KALRN: variants seen among roughly 807,000 people sequenced by gnomAD.
The protein encoded by KALRN is kalirin.
Under a neutral mutation model 353.7 loss-of-function variants are expected in KALRN, and 70 were observed. The observed-to-expected ratio is 0.20, with a 90% CI of 0.16 to 0.24. The LOEUF is 0.24. Among genes scored for constraint, KALRN ranks in the 10% least tolerant of loss-of-function variants. KALRN has a pLI of 1.00. For missense variants in KALRN, 2,791 were observed against 3,756.7 expected (o/e 0.74, Z 6.72); for synonymous variants, 1,391 against 1,434.8 (o/e 0.97, Z 0.69).
intron 1 of KALRN, among the ~76,000 whole-genome samples, chr3:124,099,035 C>T (rs1214213384): frequency 6.6e-6 from 1 of 152,178 alleles, no homozygotes; most frequent in Non-Finnish European, 1.5e-5. Context: ...TATTTTGTTA[C>T]ATGCATACAA....
intron 54 of KALRN, 26 bp downstream of exon 54, chr3:124,696,281 T>C: frequency 1.9e-6 from 3 of 1,607,000 alleles, no homozygotes; most frequent in Non-Finnish European, 1.7e-6. Flanking sequence ...TAGTCAAACC[T>C]TTTGAAATAT....
intron 33 of KALRN, among the ~76,000 whole-genome samples, chr3:124,521,064 C>T (rs963032417): frequency 3.9e-4 from 59 of 152,294 alleles, no homozygotes; most frequent in African/African-American, 1.4e-3. Flanking sequence ...TGTATGCCCT[C>T]GGGGTGCAGA....
At chr3:124,661,048 G>A (rs1044150447) in intron 44 of KALRN, 75 bp downstream of exon 44, 1 of 1,174,734 alleles carries the variant, frequency 8.5e-7, no homozygotes, top group African/African-American at 1.5e-5. Context: ...GGAAAAGATT[G>A]TCTCAGGAGG....
intron 13 of KALRN, among the ~76,000 whole-genome samples, chr3:124,401,890 G>A (rs1159265063): frequency 1.3e-5 from 2 of 152,196 alleles, no homozygotes; most frequent in African/African-American, 4.8e-5. Flanking sequence ...CTCACTGTGG[G>A]GATGAAGAAC....
intron 2 of KALRN, among the ~76,000 whole-genome samples, chr3:124,228,752 G>C (rs1920617): frequency 0.99 from 150,746 of 152,338 alleles, 74,607 homozygotes; most frequent in South Asian, 1. Flanking sequence ...ACAACAGAAA[G>C]TCATTATTGC....
At chr3:124,581,889 C>A (rs1446823702) in intron 34 of KALRN, among the ~76,000 whole-genome samples, 3 of 152,082 alleles carry the variant, frequency 2.0e-5, no homozygotes, top group African/African-American at 7.2e-5. Context: ...TGTTGTGGGT[C>A]AGAACTGGAA....
rs145154359 is a variant in KALRN at position 124,329,937 on chromosome 3, T to A, written c.1361T>A (p.Leu454Gln). ...CCATCCGAGATGCAAGACCTAGAGC[T>A]GGCAATCCACCACCACCAGACCTTG... ...GLPSEMQDLE[L>Q]AIHHHQTLYE... Residue 454 changes from leucine to glutamine, a missense_variant, in exon 8 of 60, where the codon CTG becomes CAG. Physicochemically the swap from Leu to Gln is moderately radical, Grantham distance 113. Transcript: ENST00000682506. 8.9e-5 allele frequency: 144 copies of A among 1,613,638 alleles called. 1 individual carries two copies. In the East Asian group the frequency reaches 3.1e-3, roughly 34 times the overall value.
At chr3:124,299,458 C>T (rs767591365) in intron 6 of KALRN, among the ~76,000 whole-genome samples, 2 of 151,870 alleles carry the variant, frequency 1.3e-5, no homozygotes, top group African/African-American at 4.8e-5. Flanking sequence ...TTTGAAGGGG[C>T]GGCAGGATGT....
At chr3:124,275,350 C>T (rs531093684) in intron 5 of KALRN, among the ~76,000 whole-genome samples, 1 of 152,198 alleles carries the variant, frequency 6.6e-6, no homozygotes, top group Non-Finnish European at 1.5e-5. Context: ...TACAACTTAA[C>T]AATTGTATAA....
Position 124,274,462 on chromosome 3 carries a change from G to A in KALRN, c.969+5207G>A, listed in dbSNP as rs71332730. On this transcript the variant is annotated intron_variant, in intron 5 of 59. Coordinates refer to ENST00000682506, the MANE Select transcript of KALRN (RefSeq NM_001388419.1). ...TCTACTTCATTTCTGAATAAAGGAAGCTCTACTGATGTCTACCCAGGAGGC... is the reference window on the plus strand; with the variant it reads ...TCTACTTCATTTCTGAATAAAGGAAACTCTACTGATGTCTACCCAGGAGGC... Among the ~76,000 whole-genome samples, 561 of 152,316 alleles carry A rather than the reference G, an allele frequency of 3.7e-3. 3 individuals carry two copies. The highest frequency in any genetic ancestry group is 6.8e-3 in the Middle Eastern group (2 of 294).
At chr3:124,227,608 G>T (rs370997344) in intron 1 of KALRN, among the ~76,000 whole-genome samples, 1 of 145,518 alleles carries the variant, frequency 6.9e-6, no homozygotes, top group African/African-American at 2.6e-5. Context: ...CTAGAGGTAC[G>T]AACATGATTT....
At chr3:124,711,750 G>A (rs1256085091) in intron 57 of KALRN, among the ~76,000 whole-genome samples, 1 of 152,158 alleles carries the variant, frequency 6.6e-6, no homozygotes, top group African/African-American at 2.4e-5. Context: ...ATTTATGAGT[G>A]ACATGACATT....
At chr3:124,118,365 G>A (rs1393369926) in intron 1 of KALRN, among the ~76,000 whole-genome samples, 1 of 152,148 alleles carries the variant, frequency 6.6e-6, no homozygotes, top group Admixed American at 6.5e-5. Context: ...AGTAAACAGG[G>A]AATGCTTTTC....
intron 1 of KALRN, among the ~76,000 whole-genome samples, chr3:124,113,249 T>C (rs76255889): frequency 4.6e-5 from 7 of 152,224 alleles, no homozygotes; most frequent in Non-Finnish European, 1.0e-4. Context: ...TAATATCCTA[T>C]GTTTACCTTA....
chr3:124,269,796 A>G (rs2073946546), intron 5 of KALRN, among the ~76,000 whole-genome samples: 1 of 152,204 alleles, frequency 6.6e-6, no homozygotes, highest in Non-Finnish European at 1.5e-5. Flanking sequence ...GAGTGGTGGC[A>G]TCTCTCTTGA....
chr3:124,672,840 T>A (rs2086629470), intron 48 of KALRN, among the ~76,000 whole-genome samples: 1 of 152,216 alleles, frequency 6.6e-6, no homozygotes, highest in Non-Finnish European at 1.5e-5. Flanking sequence ...GCCTCAGTTT[T>A]CTCTAGAACT....
intron 45 of KALRN, among the ~76,000 whole-genome samples, chr3:124,664,370 T>TGTGTGCGCGCGCGC (rs370394911): frequency 3.1e-5 from 4 of 129,566 alleles, no homozygotes; most frequent in South Asian, 2.8e-4. Context: ...TGTGTGTGTG[T>TGTGTGCGCGCGCGC]GCGCGCGCGC....
intron 25 of KALRN, among the ~76,000 whole-genome samples, chr3:124,465,883 G>A (rs991251903): frequency 4.6e-5 from 7 of 152,164 alleles, no homozygotes; most frequent in Admixed American, 3.9e-4. Flanking sequence ...AGATTGACAC[G>A]ACCTTGCTAA....
intron 3 of KALRN, among the ~76,000 whole-genome samples, chr3:124,257,987 G>GA (rs546485957): frequency 1.1e-3 from 140 of 131,546 alleles, no homozygotes; most frequent in African/African-American, 3.8e-3. Flanking sequence ...TCACCTAAAG[G>GA]AAAAAAAGCA....
Sources: gnomAD v4.1 joint callset for allele counts (sites outside exome capture counted in the v4.1 genomes callset) on GRCh38, gnomAD v4.1.1 for gene constraint, MANE v1.5 for transcripts, NCBI Gene and HGNC (gene_info 2026-07-23, HGNC 2026-07-21) for gene names.